Variants in SPDYE10 observed in about 807,000 individuals in gnomAD.
SPDYE10 encodes speedy protein E10.
At chr7:73,154,886 G>C in the SPDYE10 span, 1 of 160,590 alleles carries the variant, frequency 6.2e-6, no homozygotes, top group Admixed American at 6.5e-5. Context: ...GCCGCGCGCG[G>C]GCCGCGCATG....
At chr7:73,123,824 T>TCTCTCTCTCC in the SPDYE10 span, among the ~76,000 whole-genome samples, 2 of 150,780 alleles carry the variant, frequency 1.3e-5, no homozygotes, top group African/African-American at 5.0e-5. Context: ...TCTCTCTCTC[T>TCTCTCTCTCC]CTCTGGCTGG....
chr7:73,118,150 C>CAAAAA, the SPDYE10 span, among the ~76,000 whole-genome samples: 1 of 6,208 alleles, frequency 1.6e-4, no homozygotes. Context: ...GACTCTCTGT[C>CAAAAA]AAAAAAAAAA....
chr7:73,144,219 ACTCTCCCTGCGATATCCT>A, the SPDYE10 span, among the ~76,000 whole-genome samples: 1 of 145,784 alleles, frequency 6.9e-6, no homozygotes, highest in South Asian at 2.2e-4. Context: ...TGCTCTCCAG[ACTCTCCCTGCGATATCCT>A]CTCTGGGAAT....
the SPDYE10 span, among the ~76,000 whole-genome samples, chr7:73,135,529 C>CTT: frequency 8.3e-6 from 1 of 120,826 alleles, no homozygotes; most frequent in Non-Finnish European, 1.7e-5. Flanking sequence ...TCTTTCTTTT[C>CTT]TTTTTTTTTT....
At chr7:73,137,691 GA>G in the SPDYE10 span, among the ~76,000 whole-genome samples, 5,936 of 38,408 alleles carry the variant, frequency 0.15, 3 homozygotes, top group East Asian at 0.45. Context: ...AGGGGAGGGA[GA>G]GGGGAAGGGA....
the SPDYE10 span, among the ~76,000 whole-genome samples, chr7:73,114,578 C>G: frequency 1.8e-4 from 25 of 142,514 alleles, no homozygotes; most frequent in Non-Finnish European, 9.2e-5. Context: ...ACTCTGTCAC[C>G]CAGGCTAGAG....
chr7:73,123,862 A>ACAACCT, the SPDYE10 span, among the ~76,000 whole-genome samples: 1 of 139,938 alleles, frequency 7.1e-6, no homozygotes, highest in Non-Finnish European at 1.5e-5. Flanking sequence ...TGGGCTTACT[A>ACAACCT]CAACCTCTGC....
At chr7:73,145,082 TTTC>T in the SPDYE10 span, among the ~76,000 whole-genome samples, 3 of 141,650 alleles carry the variant, frequency 2.1e-5, no homozygotes, top group Non-Finnish European at 3.0e-5. Context: ...CTGCTTTTTC[TTTC>T]TTCTTTCTTT....
the SPDYE10 span, among the ~76,000 whole-genome samples, chr7:73,134,793 C>T: frequency 6.7e-4 from 102 of 152,184 alleles, no homozygotes; most frequent in Non-Finnish European, 1.2e-3. Flanking sequence ...ACCCAGGAGG[C>T]GGAGGTTGCA....
At chr7:73,139,612 C>T in the SPDYE10 span, among the ~76,000 whole-genome samples, 2 of 149,772 alleles carry the variant, frequency 1.3e-5, no homozygotes, top group African/African-American at 2.5e-5. Context: ...TGAGCCACCA[C>T]GCCCCCTGGC....
the SPDYE10 span, among the ~76,000 whole-genome samples, chr7:73,145,104 CCTCTT>C: frequency 7.2e-6 from 1 of 138,098 alleles, no homozygotes; most frequent in Non-Finnish European, 1.5e-5. Context: ...TTCTTTCTTT[CCTCTT>C]TCTTTCTTTC....
chr7:73,132,472 A>AGGAT, the SPDYE10 span, among the ~76,000 whole-genome samples: 1 of 152,174 alleles, frequency 6.6e-6, no homozygotes, highest in Non-Finnish European at 1.5e-5. Flanking sequence ...CCTTGAATCC[A>AGGAT]GGATTTTGAG....
the SPDYE10 span, among the ~76,000 whole-genome samples, chr7:73,134,523 A>AAAAGAAAGAAAGAAAGAAAGAAAG: frequency 7.9e-4 from 4 of 5,064 alleles, no homozygotes; most frequent in Admixed American, 2.8e-3. Flanking sequence ...AGTATAATAA[A>AAAAGAAAGAAAGAAAGAAAGAAAG]AAAGAAAGAA....
At chr7:73,123,765 T>TTC in the SPDYE10 span, among the ~76,000 whole-genome samples, 765 of 81,536 alleles carry the variant, frequency 9.4e-3, 8 homozygotes, top group African/African-American at 0.029. Flanking sequence ...GCCATTTCCT[T>TTC]TCTCTCTCTC....
At chr7:73,132,445 G>A in the SPDYE10 span, among the ~76,000 whole-genome samples, 1 of 152,172 alleles carries the variant, frequency 6.6e-6, no homozygotes, top group Non-Finnish European at 1.5e-5. Context: ...TACTCGGGAG[G>A]CTGAGGCAGC....
chr7:73,137,557 A>G, the SPDYE10 span, among the ~76,000 whole-genome samples: 1 of 150,204 alleles, frequency 6.7e-6, no homozygotes, highest in Non-Finnish European at 1.5e-5. Flanking sequence ...AGAAAGAGAA[A>G]GAAAGAAGAG....
chr7:73,138,212 C>G, the SPDYE10 span, among the ~76,000 whole-genome samples: 3 of 151,206 alleles, frequency 2.0e-5, no homozygotes, highest in East Asian at 5.8e-4. Flanking sequence ...AAAGGAGTGG[C>G]CTCTGCCATC....
the SPDYE10 span, among the ~76,000 whole-genome samples, chr7:73,135,869 G>GTTTT: frequency 1.3e-5 from 1 of 75,400 alleles, no homozygotes; most frequent in Non-Finnish European, 2.9e-5. Flanking sequence ...ACCGCACCCG[G>GTTTT]TCTTTTTTTT....
chr7:73,142,980 G>GAGGAAGGAAGGAAGGAAGGAAGGAAGGA, the SPDYE10 span, among the ~76,000 whole-genome samples: 1 of 93,656 alleles, frequency 1.1e-5, no homozygotes, highest in Non-Finnish European at 2.2e-5. Context: ...GGGAGGGAGG[G>GAGGAAGGAAGGAAGGAAGGAAGGAAGGA]AGGAAGGAAG....
Sources: allele counts gnomAD v4.1 joint callset (sites outside exome capture counted in the v4.1 genomes callset), GRCh38; gene constraint gnomAD v4.1.1; transcripts MANE v1.5; gene names NCBI Gene and HGNC (gene_info 2026-07-23, HGNC 2026-07-21).